LINGO2: variants seen among roughly 807,000 people sequenced by gnomAD.
The protein encoded by LINGO2 is leucine-rich repeat and immunoglobulin-like domain-containing nogo receptor-interacting protein 2.
LINGO2 carries 14 observed loss-of-function variants against 30.6 expected under a neutral mutation model. The ratio of observed to expected loss-of-function variants is 0.46; its 90% CI spans 0.30 to 0.72. The LOEUF is 0.72. Ranked by LOEUF, LINGO2 falls within the 30% of genes least tolerant of loss-of-function variation. The probability of loss-of-function intolerance (pLI) is 0.07; values close to 1 mark genes in which losing one functional copy is unlikely to be tolerated. For synonymous variants in LINGO2, 317 were observed against 288.5 expected, an observed-to-expected ratio of 1.10 and a Z score of -1.00; for missense variants, 729 against 751.7, an observed-to-expected ratio of 0.97 and a Z score of 0.35.
At chr9:29,056,273 ATT>A in the LINGO2 span, among the ~76,000 whole-genome samples, 3 of 151,770 alleles carry the variant, frequency 2.0e-5, no homozygotes, top group African/African-American at 7.3e-5. Context: ...TTATTTTTTG[ATT>A]TTTTGATTAT....
chr9:28,494,504 G>T (rs113777246), intron 1 of LINGO2, among the ~76,000 whole-genome samples: 1 of 152,078 alleles, frequency 6.6e-6, no homozygotes, highest in Non-Finnish European at 1.5e-5. Flanking sequence ...TGCTGAGAAT[G>T]ATGGTTTCCA....
rs550658782 is a variant in LINGO2 at position 28,049,620 on chromosome 9, T to C, written c.-86-37215A>G. ...TTATTAGCTTATTATTCAAATCTTA[T>C]CTAAAAATGCAAATAATTCCATTTA... is the stretch of plus-strand genomic sequence containing the variant. On this transcript the variant is annotated intron_variant, in intron 4 of 5. Transcript: ENST00000379992. Among the ~76,000 whole-genome samples the C allele has an allele frequency of 2.7e-4, 41 of 150,814 alleles. 2 individuals are homozygous for C. The highest frequency in any genetic ancestry group is 9.8e-4 in the African/African-American group (40 of 40,876).
chr9:28,922,902 T>C, the LINGO2 span, among the ~76,000 whole-genome samples: 3 of 152,174 alleles, frequency 2.0e-5, no homozygotes, highest in Non-Finnish European at 4.4e-5. Flanking sequence ...TTTTGGACTA[T>C]GCAGGTGGAC....
At chr9:28,986,859 G>A in the LINGO2 span, among the ~76,000 whole-genome samples, 2 of 151,920 alleles carry the variant, frequency 1.3e-5, no homozygotes, top group Non-Finnish European at 2.9e-5. Context: ...TGGTTAAATA[G>A]TTCCCAATCC....
At chr9:28,728,916 T>C in the LINGO2 span, among the ~76,000 whole-genome samples, 1 of 152,086 alleles carries the variant, frequency 6.6e-6, no homozygotes, top group Non-Finnish European at 1.5e-5. Flanking sequence ...CCAGGGAGGA[T>C]GGCGTGAGAA....
At position 28,218,421 on chromosome 9, in the gene LINGO2, T is replaced by G. The variant is rs144126958; in HGVS notation, c.-87+76787A>C. On this transcript the variant is annotated intron_variant, in intron 4 of 5. Transcript: ENST00000379992. The stretch of plus-strand genomic sequence containing the variant: ...CACACTATCTAGTAATCTTGGCCAG[T>G]CTGCTTCCTAGAAAACCAGTTCTGT... Among the ~76,000 whole-genome samples, 300 of 152,022 alleles carry G rather than the reference T, an allele frequency of 2.0e-3. 1 individual carries two copies. The highest frequency in any genetic ancestry group is 6.8e-3 in the Middle Eastern group (2 of 294).
At chr9:28,235,530 T>G (rs1821531255) in intron 4 of LINGO2, among the ~76,000 whole-genome samples, 1 of 152,144 alleles carries the variant, frequency 6.6e-6, no homozygotes, top group Non-Finnish European at 1.5e-5. Flanking sequence ...GAAACAGAGA[T>G]ATGTAACCTT....
chr9:28,273,999 G>A (rs186220080), intron 4 of LINGO2, among the ~76,000 whole-genome samples: 102 of 152,160 alleles, frequency 6.7e-4, no homozygotes, highest in Non-Finnish European at 1.3e-3. Context: ...GACTGAGCAG[G>A]GACAGACTTA....
At chr9:29,122,309 G>A in the LINGO2 span, among the ~76,000 whole-genome samples, 1 of 151,884 alleles carries the variant, frequency 6.6e-6, no homozygotes, top group Non-Finnish European at 1.5e-5. Context: ...ATAAAGTAGA[G>A]TATACAATAC....
intron 4 of LINGO2, among the ~76,000 whole-genome samples, chr9:28,221,094 T>G (rs1055847559): frequency 6.6e-6 from 1 of 151,700 alleles, no homozygotes; most frequent in African/African-American, 2.4e-5. Flanking sequence ...GGTCAGGAGA[T>G]CGAAACCATC....
At chr9:28,121,673 T>C (rs1211251713) in intron 4 of LINGO2, among the ~76,000 whole-genome samples, 1 of 152,132 alleles carries the variant, frequency 6.6e-6, no homozygotes, top group East Asian at 1.9e-4. Context: ...ACAAGAACAT[T>C]CCTCAGAGAA....
intron 2 of LINGO2, among the ~76,000 whole-genome samples, chr9:28,439,736 C>G (rs1197305398): frequency 6.6e-6 from 1 of 152,114 alleles, no homozygotes; most frequent in Non-Finnish European, 1.5e-5. Context: ...GAACGATGAG[C>G]CAATCAAACC....
chr9:28,666,039 G>A (rs1183429625), intron 1 of LINGO2, among the ~76,000 whole-genome samples: 1 of 151,676 alleles, frequency 6.6e-6, no homozygotes. Context: ...TTACACACAT[G>A]CACCACGACA....
At chr9:28,182,569 A>T (rs1819388331) in intron 4 of LINGO2, among the ~76,000 whole-genome samples, 1 of 152,226 alleles carries the variant, frequency 6.6e-6, no homozygotes, top group Admixed American at 6.5e-5. Context: ...TACCCATCTG[A>T]CAAAGGTCTA....
chr9:28,550,481 G>A (rs1045224082), intron 1 of LINGO2, among the ~76,000 whole-genome samples: 2 of 151,366 alleles, frequency 1.3e-5, no homozygotes, highest in Non-Finnish European at 3.0e-5. Context: ...GCCTTCTTTT[G>A]TCTACTTTTA....
chr9:27,961,541 A>C (rs1819847187), intron 5 of LINGO2, among the ~76,000 whole-genome samples: 1 of 152,176 alleles, frequency 6.6e-6, no homozygotes, highest in Non-Finnish European at 1.5e-5. Flanking sequence ...AGGTAATTAG[A>C]GGAATGATTT....
intron 5 of LINGO2, among the ~76,000 whole-genome samples, chr9:27,987,469 G>A (rs949924204): frequency 2.6e-5 from 4 of 151,812 alleles, no homozygotes. Context: ...TTTAAGTATA[G>A]ATTAGACTTT....
At chr9:28,655,538 G>T (rs1051389719) in intron 1 of LINGO2, among the ~76,000 whole-genome samples, 1 of 151,980 alleles carries the variant, frequency 6.6e-6, no homozygotes, top group African/African-American at 2.4e-5. Flanking sequence ...AGGGGCCAGG[G>T]ATAGAATAAT....
At chr9:28,963,095 C>G in the LINGO2 span, among the ~76,000 whole-genome samples, 8 of 151,854 alleles carry the variant, frequency 5.3e-5, no homozygotes, top group Non-Finnish European at 1.0e-4. Flanking sequence ...GAAAGTGAAA[C>G]TGAAATTTCC....
Sources: allele counts gnomAD v4.1 joint callset (sites outside exome capture counted in the v4.1 genomes callset), GRCh38; gene constraint gnomAD v4.1.1; transcripts MANE v1.5; gene names NCBI Gene and HGNC (gene_info 2026-07-23, HGNC 2026-07-21).